PBX3: variants seen among roughly 807,000 people sequenced by gnomAD.
PBX3 encodes PBX homeobox 3.
In PBX3, 14 loss-of-function variants were observed where a neutral mutation model predicts 48.5. The ratio of observed to expected loss-of-function variants is 0.29; its 90% CI spans 0.19 to 0.45. The LOEUF (loss-of-function observed/expected upper bound fraction) is 0.45, where lower values mean the gene tolerates loss of function less well. Ranked by LOEUF, PBX3 falls within the 20% of genes least tolerant of loss-of-function variation. PBX3 has a pLI of 1.00. For missense variants in PBX3, 386 were observed against 546.7 expected (o/e 0.71, Z 2.93); for synonymous variants, 210 against 200.3 (o/e 1.05, Z -0.41).
chr9:125,747,670 T>TA lies in PBX3; in HGVS notation c.200+19dup. 6.4e-7 allele frequency: 1 copy of TA among 1,567,708 alleles called. No homozygotes were observed. The highest frequency in any genetic ancestry group is 8.6e-7 in the Non-Finnish European group (1 of 1,156,214). On this transcript the variant is annotated intron_variant, in intron 1 of 8. Coordinates refer to ENST00000373489, the MANE Select transcript of PBX3 (RefSeq NM_006195.6). ...GCAAGCAAAGTTGGTGTCGTCTCATTAAGCATCTTTTGTGTGTGTGCGGGA... is the reference window on the plus strand; with the variant it reads ...GCAAGCAAAGTTGGTGTCGTCTCATTAAAGCATCTTTTGTGTGTGTGCGGGA...
chr9:125,928,968 TACATATTATC>T (rs1009392087), intron 3 of PBX3, among the ~76,000 whole-genome samples: 1 of 152,244 alleles, frequency 6.6e-6, no homozygotes, highest in Non-Finnish European at 1.5e-5. Context: ...TTTGCTTCTT[TACATATTATC>T]TGTATTCCTA....
intron 2 of PBX3, among the ~76,000 whole-genome samples, chr9:125,802,404 G>A (rs1027904204): frequency 3.7e-5 from 4 of 109,122 alleles, no homozygotes; most frequent in South Asian, 3.1e-4. Flanking sequence ...GTCTCATTCC[G>A]TTGCCCAGTG....
At chr9:125,775,342 T>A (rs1837044586) in intron 2 of PBX3, among the ~76,000 whole-genome samples, 1 of 152,230 alleles carries the variant, frequency 6.6e-6, no homozygotes, top group East Asian at 1.9e-4. Flanking sequence ...TCTGTTCAAA[T>A]CTTTTGCCCA....
At chr9:125,883,732 A>G (rs959734592) in intron 2 of PBX3, among the ~76,000 whole-genome samples, 1 of 152,206 alleles carries the variant, frequency 6.6e-6, no homozygotes, top group South Asian at 2.1e-4. Context: ...TGGTTGTCCT[A>G]AACTGAGCAC....
chr9:125,792,076 A>T (rs1053130241), intron 2 of PBX3, among the ~76,000 whole-genome samples: 3 of 151,730 alleles, frequency 2.0e-5, no homozygotes, highest in African/African-American at 4.8e-5. Flanking sequence ...GCACGCACGC[A>T]TATAAATAAA....
intron 2 of PBX3, among the ~76,000 whole-genome samples, chr9:125,832,927 GT>G (rs1477099555): frequency 1.3e-5 from 2 of 152,172 alleles, no homozygotes; most frequent in Non-Finnish European, 2.9e-5. Context: ...AATGTCATCT[GT>G]GGTTTATTAT....
chr9:125,863,307 G>A (rs1245500673), intron 2 of PBX3, among the ~76,000 whole-genome samples: 2 of 151,710 alleles, frequency 1.3e-5, no homozygotes, highest in Non-Finnish European at 2.9e-5. Flanking sequence ...AGGTTCAAGC[G>A]ATTCTCCTGC....
intron 2 of PBX3, among the ~76,000 whole-genome samples, chr9:125,750,797 A>C (rs1266985503): frequency 6.6e-6 from 1 of 152,184 alleles, no homozygotes; most frequent in East Asian, 1.9e-4. Flanking sequence ...TAGCCTCTCT[A>C]AGCTCGAGAG....
intron 2 of PBX3, among the ~76,000 whole-genome samples, chr9:125,858,918 G>A (rs370571521): frequency 4.5e-4 from 69 of 152,212 alleles, no homozygotes; most frequent in African/African-American, 1.6e-3. Flanking sequence ...GAGCCACCGC[G>A]CCTGGCCAAC....
At chr9:125,794,861 G>T (rs1837730761) in intron 2 of PBX3, among the ~76,000 whole-genome samples, 1 of 151,618 alleles carries the variant, frequency 6.6e-6, no homozygotes. Context: ...ACTTCATGTT[G>T]TGTTCAATCT....
At position 125,812,521 on chromosome 9, in the gene PBX3, C is replaced by T. The variant is rs539106486; in HGVS notation, c.274+63898C>T. Among the ~76,000 whole-genome samples, 6 of 152,296 alleles carry T rather than the reference C, an allele frequency of 3.9e-5. No homozygotes were observed. In the East Asian group the frequency reaches 1.2e-3, roughly 29 times the overall value. The stretch of plus-strand genomic sequence containing the variant: ...TGTTACTTTAATTGATATCAGCATG[C>T]GTTTTTACTAAGACTCAAAATCTCT... On this transcript the variant is annotated intron_variant, in intron 2 of 8. Transcript: ENST00000373489.
At chr9:125,950,075 GA>G (rs923919372) in intron 5 of PBX3, among the ~76,000 whole-genome samples, 11 of 150,890 alleles carry the variant, frequency 7.3e-5, no homozygotes, top group African/African-American at 2.4e-4. Flanking sequence ...TAATTTTAAA[GA>G]AAAAAAAACT....
chr9:125,797,317 C>T (rs1333153650), intron 2 of PBX3: 1 of 152,038 alleles, frequency 6.6e-6, no homozygotes, highest in African/African-American at 2.4e-5. Context: ...CCTTTATCTG[C>T]TGGAATTAGT....
intron 2 of PBX3, among the ~76,000 whole-genome samples, chr9:125,883,753 A>G (rs889715988): frequency 6.6e-6 from 1 of 152,250 alleles, no homozygotes; most frequent in Admixed American, 6.5e-5. Flanking sequence ...TGTAGAATAA[A>G]AATGGAAACA....
At chr9:125,886,717 T>C (rs1397527007) in intron 2 of PBX3, among the ~76,000 whole-genome samples, 1 of 152,166 alleles carries the variant, frequency 6.6e-6, no homozygotes, top group Non-Finnish European at 1.5e-5. Flanking sequence ...TAATGGATGG[T>C]CCTACAATTA....
intron 3 of PBX3, among the ~76,000 whole-genome samples, chr9:125,927,840 A>T (rs778723221): frequency 1.3e-5 from 2 of 152,100 alleles, no homozygotes; most frequent in Non-Finnish European, 2.9e-5. Flanking sequence ...AGAGTTTGAG[A>T]CAAGTCTGGG....
intron 2 of PBX3, among the ~76,000 whole-genome samples, chr9:125,768,757 A>G (rs945154601): frequency 6.6e-6 from 1 of 152,212 alleles, no homozygotes; most frequent in African/African-American, 2.4e-5. Context: ...GAGTATTACC[A>G]CCAAACTTAT....
chr9:125,791,281 A>ATC (rs1837595021), intron 2 of PBX3, among the ~76,000 whole-genome samples: 1 of 143,414 alleles, frequency 7.0e-6, no homozygotes, highest in Non-Finnish European at 1.5e-5. Context: ...ATACATTTTT[A>ATC]TCTGTCTGTC....
intron 2 of PBX3, among the ~76,000 whole-genome samples, chr9:125,850,832 T>G (rs1417211935): frequency 6.6e-6 from 1 of 152,040 alleles, no homozygotes; most frequent in East Asian, 1.9e-4. Context: ...TGCAGAGCAT[T>G]GACAAAAATA....
Sources: allele counts gnomAD v4.1 joint callset (sites outside exome capture counted in the v4.1 genomes callset), GRCh38; gene constraint gnomAD v4.1.1; transcripts MANE v1.5; gene names NCBI Gene and HGNC (gene_info 2026-07-23, HGNC 2026-07-21).